TBC1D2B: variants seen among roughly 807,000 people sequenced by gnomAD.
TBC1D2B encodes TBC1 domain family member 2B, also known as TBC1 domain family, member 2B.
A neutral mutation model predicts 100.8 loss-of-function variants in TBC1D2B; 64 were observed. The observed-to-expected ratio is 0.64, with a 90% CI of 0.52 to 0.78. The LOEUF (loss-of-function observed/expected upper bound fraction) is 0.78. Ranked by LOEUF, TBC1D2B falls within the 30% of genes least tolerant of loss-of-function variation. The probability of loss-of-function intolerance (pLI) is 0.00; values close to 1 mark genes in which losing one functional copy is unlikely to be tolerated. For synonymous variants in TBC1D2B, 480 were observed against 479.7 expected, an observed-to-expected ratio of 1.00 and a Z score of -0.01; for missense variants, 1,052 against 1,218.4, an observed-to-expected ratio of 0.86 and a Z score of 2.03.
At chr15:78,051,057 G>A (rs1332787910) in intron 2 of TBC1D2B, among the ~76,000 whole-genome samples, 1 of 152,182 alleles carries the variant, frequency 6.6e-6, no homozygotes, top group Non-Finnish European at 1.5e-5. Flanking sequence ...AGCATGAGCA[G>A]GAAAGCTAAT....
chr15:78,008,552 G>A (rs2072132393), intron 10 of TBC1D2B, among the ~76,000 whole-genome samples: 1 of 152,168 alleles, frequency 6.6e-6, no homozygotes, highest in African/African-American at 2.4e-5. Flanking sequence ...TCCCTTCCTG[G>A]GGCTGGAACT....
intron 3 of TBC1D2B, among the ~76,000 whole-genome samples, chr15:78,035,563 C>T (rs1467616368): frequency 6.6e-6 from 1 of 152,220 alleles, no homozygotes; most frequent in Non-Finnish European, 1.5e-5. Flanking sequence ...CTCCAGACTA[C>T]AGGCCCTGTT....
intron 1 of TBC1D2B, chr15:78,065,997 G>A (rs1421326455): frequency 4.2e-6 from 2 of 470,928 alleles, no homozygotes; most frequent in Admixed American, 4.7e-5. Flanking sequence ...TCTCTCTGGT[G>A]AAAAGCTGAG....
intron 2 of TBC1D2B, among the ~76,000 whole-genome samples, chr15:78,046,009 G>A (rs920530186): frequency 2.0e-5 from 3 of 151,986 alleles, no homozygotes; most frequent in Admixed American, 6.6e-5. Flanking sequence ...TCGGCTCACT[G>A]CAACCTCCTC....
At chr15:78,025,957 C>CT (rs1177625751) in intron 4 of TBC1D2B, among the ~76,000 whole-genome samples, 2 of 151,374 alleles carry the variant, frequency 1.3e-5, no homozygotes, top group Non-Finnish European at 2.9e-5. Flanking sequence ...GATGACTCTG[C>CT]CCCCACTGCA....
At chr15:78,016,519 AC>A (rs1254263867) in intron 8 of TBC1D2B, 26 bp downstream of exon 8, 4 of 1,606,086 alleles carry the variant, frequency 2.5e-6, no homozygotes, top group Non-Finnish European at 3.4e-6. Flanking sequence ...GGGGTGCACT[AC>A]CCTCAACAGT....
At chr15:77,998,609 C>T (rs2071827798) in intron 12 of TBC1D2B, 1 of 448,286 alleles carries the variant, frequency 2.2e-6, no homozygotes, top group East Asian at 3.9e-5. Flanking sequence ...TGAAGTCACC[C>T]CCCTTTTCTG....
chr15:78,008,509 G>T (rs1278955348), intron 10 of TBC1D2B, among the ~76,000 whole-genome samples: 1 of 152,232 alleles, frequency 6.6e-6, no homozygotes, highest in Non-Finnish European at 1.5e-5. Context: ...GGTGGTCACT[G>T]CACAGGGTCT....
intron 4 of TBC1D2B, 153 bp from the exon 5 acceptor site, chr15:78,025,650 C>G (rs186113847): frequency 9.2e-4 from 453 of 491,830 alleles, no homozygotes; most frequent in Admixed American, 1.9e-3. Context: ...CCTCAGCCTC[C>G]CGAGTAGCTG....
chr15:78,045,533 G>A (rs947100112), intron 2 of TBC1D2B, among the ~76,000 whole-genome samples: 1 of 149,410 alleles, frequency 6.7e-6, no homozygotes, highest in African/African-American at 2.4e-5. Flanking sequence ...GTATTTGCTT[G>A]TAAAGAGTGA....
intron 3 of TBC1D2B, among the ~76,000 whole-genome samples, chr15:78,039,549 C>T (rs1406226246): frequency 1.3e-5 from 2 of 152,128 alleles, no homozygotes; most frequent in Non-Finnish European, 2.9e-5. Context: ...TTGAGAAAGG[C>T]ACCCCATCCA....
chr15:78,043,936 G>A (rs1412718663), intron 3 of TBC1D2B, among the ~76,000 whole-genome samples: 1 of 151,938 alleles, frequency 6.6e-6, no homozygotes, highest in African/African-American at 2.4e-5. Context: ...TGGAAGCTGA[G>A]GTAGGAGGAT....
intron 1 of TBC1D2B, among the ~76,000 whole-genome samples, chr15:78,070,438 C>T (rs1033031804): frequency 3.3e-5 from 5 of 152,196 alleles, no homozygotes; most frequent in African/African-American, 2.4e-5. Context: ...ATTTTATTAA[C>T]GTCTGTCCCC....
chr15:78,023,435 T>C (rs16969414), intron 6 of TBC1D2B, among the ~76,000 whole-genome samples: 7,780 of 152,234 alleles, frequency 0.051, 395 homozygotes, highest in African/African-American at 0.12. Context: ...TCTGAATCAT[T>C]AGGCTTCTCT....
chr15:78,040,226 T>C (rs2073042840), intron 3 of TBC1D2B, among the ~76,000 whole-genome samples: 1 of 152,258 alleles, frequency 6.6e-6, no homozygotes, highest in Non-Finnish European at 1.5e-5. Context: ...CCTAGTTCCT[T>C]CACCTGGTGT....
chr15:78,041,478 GA>G (rs1173007969), intron 3 of TBC1D2B, among the ~76,000 whole-genome samples: 2 of 152,184 alleles, frequency 1.3e-5, no homozygotes, highest in Non-Finnish European at 2.9e-5. Flanking sequence ...AGCTAGTTAA[GA>G]GAGTTTCAAC....
intron 3 of TBC1D2B, chr15:78,034,633 G>A (rs921262849): frequency 1.0e-5 from 10 of 984,846 alleles, no homozygotes; most frequent in East Asian, 1.1e-4. Flanking sequence ...TCCTCCCACC[G>A]CGGTTTTGGG....
chr15:78,023,807 G>C (rs1448572244), intron 6 of TBC1D2B, among the ~76,000 whole-genome samples: 1 of 152,220 alleles, frequency 6.6e-6, no homozygotes, highest in African/African-American at 2.4e-5. Context: ...AATTAAGTTT[G>C]TGTGTGATTT....
At chr15:78,025,814 C>T (rs375297059) in intron 4 of TBC1D2B, among the ~76,000 whole-genome samples, 2 of 152,154 alleles carry the variant, frequency 1.3e-5, no homozygotes, top group African/African-American at 4.8e-5. Flanking sequence ...GCGTGAGCCA[C>T]CGTGCCCGGC....
Sources: allele counts gnomAD v4.1 joint callset (sites outside exome capture counted in the v4.1 genomes callset), GRCh38; gene constraint gnomAD v4.1.1; transcripts MANE v1.5; gene names NCBI Gene and HGNC (gene_info 2026-07-23, HGNC 2026-07-21).